The following RTTN variants were observed in gnomAD, a reference collection of about 807,000 sequenced individuals.
RTTN encodes the protein rotatin.
Under a neutral mutation model 269.2 loss-of-function variants are expected in RTTN, and 182 were observed. The ratio of observed to expected loss-of-function variants is 0.68; its 90% CI spans 0.60 to 0.76. The LOEUF (loss-of-function observed/expected upper bound fraction) is 0.76, where lower values mean the gene tolerates loss of function less well. Among genes scored for constraint, RTTN ranks in the 30% least tolerant of loss-of-function variants. The pLI is 0.00. For missense variants in RTTN, 2,545 were observed against 2,608.6 expected (o/e 0.98, Z 0.53); for synonymous variants, 1,006 against 963.5 (o/e 1.04, Z -0.82).
intron 46 of RTTN, among the ~76,000 whole-genome samples, chr18:70,013,143 C>G (rs1342816601): frequency 2.0e-5 from 3 of 152,126 alleles, no homozygotes; most frequent in Non-Finnish European, 4.4e-5. Context: ...ACATAGCTTG[C>G]AGATGCAATT....
intron 34 of RTTN, among the ~76,000 whole-genome samples, chr18:70,067,717 T>C (rs1297083852): frequency 1.3e-5 from 2 of 152,226 alleles, no homozygotes; most frequent in Non-Finnish European, 2.9e-5. Flanking sequence ...TTTCAACTGA[T>C]AAAGACTCAA....
chr18:70,078,401 G>A (rs1420140962), intron 32 of RTTN, among the ~76,000 whole-genome samples: 1 of 151,794 alleles, frequency 6.6e-6, no homozygotes, highest in Non-Finnish European at 1.5e-5. Flanking sequence ...CAATCATTTT[G>A]AGAATTATGA....
At chr18:70,197,038 T>A (rs1299392429) in intron 6 of RTTN, among the ~76,000 whole-genome samples, 1 of 152,146 alleles carries the variant, frequency 6.6e-6, no homozygotes, top group Admixed American at 6.5e-5. Flanking sequence ...AATTAACAGC[T>A]TTCCTCTGCG....
chr18:70,159,810 T>C (rs771970482), intron 14 of RTTN, among the ~76,000 whole-genome samples: 1 of 151,818 alleles, frequency 6.6e-6, no homozygotes, highest in Non-Finnish European at 1.5e-5. Flanking sequence ...GCATACCAAA[T>C]AGAAAGCCTA....
chr18:70,040,071 A>C (rs2057295016), intron 40 of RTTN, among the ~76,000 whole-genome samples: 1 of 152,190 alleles, frequency 6.6e-6, no homozygotes, highest in Non-Finnish European at 1.5e-5. Context: ...AGATCACAAA[A>C]CAATTAGAAA....
intron 44 of RTTN, among the ~76,000 whole-genome samples, chr18:70,023,726 C>T (rs1255474578): frequency 6.6e-6 from 1 of 152,200 alleles, no homozygotes; most frequent in Non-Finnish European, 1.5e-5. Context: ...GACAAGTCTC[C>T]CTGCTTCTAG....
chr18:70,147,408 G>T (rs2060422687), intron 17 of RTTN, among the ~76,000 whole-genome samples: 1 of 152,124 alleles, frequency 6.6e-6, no homozygotes, highest in Non-Finnish European at 1.5e-5. Flanking sequence ...TATAGCCTAG[G>T]TTATGTATGT....
At chr18:70,194,820 T>C (rs1471230764) in intron 7 of RTTN, 1 of 152,214 alleles carries the variant, frequency 6.6e-6, no homozygotes, top group African/African-American at 2.4e-5. Flanking sequence ...CACTGCTTAA[T>C]GATTAGAGTT....
At chr18:70,085,387 T>C (rs1380983077) in intron 32 of RTTN, among the ~76,000 whole-genome samples, 1 of 152,180 alleles carries the variant, frequency 6.6e-6, no homozygotes, top group Non-Finnish European at 1.5e-5. Flanking sequence ...AAGAGTTAAA[T>C]GCTACCTGGG....
chr18:70,079,295 G>A (rs1379597445), intron 32 of RTTN, among the ~76,000 whole-genome samples: 3 of 151,772 alleles, frequency 2.0e-5, no homozygotes, highest in Non-Finnish European at 4.4e-5. Flanking sequence ...AAAGAAAACC[G>A]AGTAATCTGA....
intron 40 of RTTN, among the ~76,000 whole-genome samples, chr18:70,032,339 ACTAGCAGAGTGCT>A (rs962485322): frequency 4.6e-5 from 7 of 152,172 alleles, no homozygotes; most frequent in African/African-American, 1.7e-4. Context: ...AGACTGCCTG[ACTAGCAGAGTGCT>A]CTAGCAGAGT....
chr18:70,167,011 T>G lies in RTTN; in HGVS notation c.1710A>C (p.Glu570Asp), dbSNP rs761130082. Residue 570 changes from glutamate (E) to aspartate (D), a missense_variant, in exon 13 of 49, where the codon GAA (glutamate) becomes GAC (aspartate). Coordinates refer to ENST00000640769, the MANE Select transcript of RTTN (RefSeq NM_173630.4). The part of the protein sequence containing the change: ...IGKEGEKNLL[E>D]LVELADQALR... ...AGGCTTGGTCTGCCAGCTCCACTAA[T>G]TCTAAGAGATTCTTCTCTCCCTACA... 56 of 1,611,162 alleles carry G rather than the reference T, an allele frequency of 3.5e-5. No individual in the cohort carries two copies. The highest frequency in any genetic ancestry group is 1.7e-5 in the Admixed American group (1 of 59,832).
At chr18:70,160,344 C>T (rs1385850228) in intron 14 of RTTN, among the ~76,000 whole-genome samples, 3 of 127,422 alleles carry the variant, frequency 2.4e-5, no homozygotes, top group East Asian at 2.7e-4. Context: ...ACATGATCAT[C>T]TCAACAGACA....
chr18:70,204,739 A>G (rs1191218262), intron 2 of RTTN, among the ~76,000 whole-genome samples: 1 of 152,244 alleles, frequency 6.6e-6, no homozygotes. Context: ...TGGGCAAGCA[A>G]CTTAACATTG....
In RTTN at chr18:70,142,319, TGAC is replaced by T; in HGVS notation, c.2547_2549del (p.Ser850del). The T allele has an allele frequency of 6.2e-7, 1 of 1,607,860 alleles. No individual in the cohort carries two copies. The highest frequency in any genetic ancestry group is 8.5e-7 in the Non-Finnish European group (1 of 1,176,624). On this transcript the variant is annotated inframe_deletion, in exon 19 of 49. Coordinates refer to ENST00000640769, the MANE Select transcript of RTTN (RefSeq NM_173630.4). ...TAATCACAGCTAACTGTTCAGCAGCTGACTTTCTCAAAACGAGATCAACATCAT... is the reference window on the plus strand; with the variant it reads ...TAATCACAGCTAACTGTTCAGCAGCTTTTCTCAAAACGAGATCAACATCAT...
chr18:70,079,636 G>A (rs925564741), intron 32 of RTTN, among the ~76,000 whole-genome samples: 3 of 152,088 alleles, frequency 2.0e-5, no homozygotes, highest in Non-Finnish European at 4.4e-5. Context: ...CCTCAGGTGA[G>A]TTCTGGGGCT....
rs561558897 is a variant in RTTN, at chr18:70,055,049, C to G, written c.5032-765G>C. The stretch of plus-strand genomic sequence containing the variant: ...TATTTTTGCCCTCAGCATAAAATTA[C>G]TATTATTAATTATAAAAGAAAAAAT... On this transcript the variant is annotated intron_variant, in intron 37 of 48. Transcript: ENST00000640769. 2.7e-3 allele frequency among the ~76,000 whole-genome samples: 410 copies of G among 152,180 alleles called. 1 individual carries two copies. Among genetic ancestry groups the G allele is most frequent in the Non-Finnish European group, 4.6e-3 (313 of 68,006 alleles).
At chr18:70,019,606 G>A (rs1199332661) in intron 45 of RTTN, 1 of 152,174 alleles carries the variant, frequency 6.6e-6, no homozygotes, top group African/African-American at 2.4e-5. Context: ...GATTTGTACA[G>A]TTCGCTGAAT....
intron 42 of RTTN, among the ~76,000 whole-genome samples, chr18:70,029,168 A>G (rs2056940411): frequency 6.6e-6 from 1 of 151,588 alleles, no homozygotes; most frequent in Non-Finnish European, 1.5e-5. Context: ...AGAGGCAAAA[A>G]AAAAAAAAAA....
Sources: allele counts gnomAD v4.1 joint callset (sites outside exome capture counted in the v4.1 genomes callset), GRCh38; gene constraint gnomAD v4.1.1; transcripts MANE v1.5; gene names NCBI Gene and HGNC (gene_info 2026-07-23, HGNC 2026-07-21).